The following LRP2 variants were observed in gnomAD, a reference collection of about 807,000 sequenced individuals.
LRP2 encodes LDL receptor related protein 2.
In LRP2, 172 loss-of-function variants were observed where a neutral mutation model predicts 531.0. That is an observed-to-expected ratio of 0.32 (90% CI 0.29 to 0.37). LRP2 has a LOEUF of 0.37. Among genes scored for constraint, LRP2 ranks in the 10% least tolerant of loss-of-function variants. The probability of loss-of-function intolerance (pLI) is 1.00; values close to 1 mark genes in which losing one functional copy is unlikely to be tolerated. For synonymous variants in LRP2, 1,992 were observed against 2,027.6 expected (o/e 0.98, Z 0.47); for missense variants, 5,167 against 5,868.3 (o/e 0.88, Z 3.90).
chr2:169,272,132 C>A (rs530598869), intron 15 of LRP2, among the ~76,000 whole-genome samples: 25 of 152,156 alleles, frequency 1.6e-4, no homozygotes, highest in African/African-American at 6.0e-4. Flanking sequence ...TTATATACGA[C>A]GCTAGAAACC....
intron 3 of LRP2, among the ~76,000 whole-genome samples, chr2:169,310,015 C>T (rs1226249043): frequency 6.6e-6 from 1 of 152,056 alleles, no homozygotes; most frequent in African/African-American, 2.4e-5. Flanking sequence ...CATGATTTGG[C>T]TCTCTGTTTG....
chr2:169,307,413 A>T lies in LRP2; in HGVS notation c.311-16T>A. ...GTACTTTGTGCTGCGAAGAGAAAAA[A>T]TTATTACTTAATTTATAATTATTGC... On this transcript the variant is annotated splice_polypyrimidine_tract_variant and intron_variant, in intron 3 of 78. Coordinates refer to ENST00000649046, the MANE Select transcript of LRP2 (RefSeq NM_004525.3). 7.4e-7 allele frequency: 1 copy of T among 1,357,598 alleles called. No individual in the cohort carries two copies. The highest frequency in any genetic ancestry group is 1.1e-6 in the Non-Finnish European group (1 of 946,194). 84.1% of individuals were successfully genotyped at this position (1,357,598 alleles called of 1,614,324 possible). A position where few individuals can be genotyped will look rare whatever the true frequency, so the allele number is the denominator to read the frequency against.
In LRP2 at chr2:169,133,268, T is replaced by G. The variant is rs1420335785; in HGVS notation, c.13621-587A>C. 2.6e-5 allele frequency among the ~76,000 whole-genome samples: 4 copies of G among 152,236 alleles called. No homozygotes were observed. The East Asian group carries it at 7.7e-4, about 29-fold the overall frequency. On this transcript the variant is annotated intron_variant, in intron 76 of 78. Coordinates refer to ENST00000649046, the MANE Select transcript of LRP2 (RefSeq NM_004525.3). ...ATTCATACAATTCCAAGGTTCCCTT[T>G]TAAGACCAAATTACCATGAATGCAT... is the stretch of plus-strand genomic sequence containing the variant.
chr2:169,231,958 G>A (rs747222340), intron 30 of LRP2, 116 bp from the exon 31 acceptor site: 25 of 1,254,956 alleles, frequency 2.0e-5, no homozygotes, highest in South Asian at 2.6e-5. Flanking sequence ...GCTTAAGTAC[G>A]TTGTTACCTC....
chr2:169,137,226 G>T (rs1685546019), intron 76 of LRP2, among the ~76,000 whole-genome samples, 166 bp downstream of exon 76: 1 of 152,256 alleles, frequency 6.6e-6, no homozygotes, highest in Non-Finnish European at 1.5e-5. Flanking sequence ...CAGGTCTTAT[G>T]TCCTTGGGTT....
In LRP2 at chr2:169,181,937, C is replaced by T. The variant is rs111755054; in HGVS notation, c.9998+230G>A. 4.7e-4 allele frequency among the ~76,000 whole-genome samples: 72 copies of T among 152,198 alleles called. 1 individual carries two copies. The highest frequency in any genetic ancestry group is 1.7e-3 in the African/African-American group (71 of 41,524). The stretch of plus-strand genomic sequence containing the variant: ...CTTTGCATGCAGCCAAAATACAGGA[C>T]TTGAAAAGTGCAAAAGTGTGTCAGG... On this transcript the variant is annotated intron_variant, in intron 51 of 78. Transcript: ENST00000649046.
At chr2:169,256,344 A>G in intron 18 of LRP2, 108 bp from the exon 19 acceptor site, 2 of 774,356 alleles carry the variant, frequency 2.6e-6, no homozygotes, top group Admixed American at 5.2e-5. Context: ...TTATTAAACA[A>G]AGTTTTTAAA....
Position 169,128,584 on chromosome 2 carries a change from T to C in LRP2, c.*79A>G, listed in dbSNP as rs914048891. 78 of 1,392,694 alleles carry C rather than the reference T, an allele frequency of 5.6e-5. No homozygotes were observed. Among genetic ancestry groups the C allele is most frequent in the Non-Finnish European group, 7.3e-5 (72 of 980,740 alleles). 86.3% of individuals were successfully genotyped at this position (1,392,694 alleles called of 1,614,324 possible). On this transcript the variant is annotated 3_prime_UTR_variant, in exon 79 of 79. Coordinates refer to ENST00000649046, the MANE Select transcript of LRP2 (RefSeq NM_004525.3). ...TATATTTTTTTCATAAAGTACTGAATGTTAACTTTTTTCATCTGTTTGTAA... is the reference window on the plus strand; with the variant it reads ...TATATTTTTTTCATAAAGTACTGAACGTTAACTTTTTTCATCTGTTTGTAA...
intron 21 of LRP2, among the ~76,000 whole-genome samples, chr2:169,246,024 T>C (rs985778692): frequency 6.6e-6 from 1 of 152,186 alleles, no homozygotes; most frequent in Non-Finnish European, 1.5e-5. Context: ...TTTACAAATT[T>C]TGTGAAAATA....
intron 51 of LRP2, among the ~76,000 whole-genome samples, chr2:169,181,837 C>T (rs1687448748): frequency 6.6e-6 from 1 of 151,782 alleles, no homozygotes. Flanking sequence ...CACAAATAAA[C>T]ATAGTTAACT....
At chr2:169,233,896 G>A (rs148877630) in intron 29 of LRP2, among the ~76,000 whole-genome samples, 7 of 152,138 alleles carry the variant, frequency 4.6e-5, no homozygotes, top group South Asian at 4.2e-4. Context: ...TGATGTATCC[G>A]GATCACCTAC....
intron 4 of LRP2, among the ~76,000 whole-genome samples, chr2:169,296,719 G>A (rs1295484699): frequency 2.0e-5 from 3 of 152,068 alleles, no homozygotes; most frequent in African/African-American, 7.2e-5. Flanking sequence ...TGTGCTGGAT[G>A]GATCTCTCGT....
rs529198764 is a variant in LRP2, at chr2:169,128,799, G to A, written c.13832C>T (p.Ala4611Val). The A allele has an allele frequency of 2.8e-5, 45 of 1,614,054 alleles. No homozygotes were observed. In the South Asian group the frequency reaches 3.5e-4, roughly 13 times the overall value. ...MENEQKESVA[A>V]TPPPSPSLPA... ...GAGCGAAGGTGATGGAGGTGGTGTC[G>A]CAGCAACACTTTCCTTTTGCTCGTT... The change falls in exon 79 of 79, where the codon GCG becomes GTG. Residue 4611 changes from alanine to valine, a missense_variant. By Grantham distance (64) the Ala-to-Val change is moderately conservative. Coordinates refer to ENST00000649046, the MANE Select transcript of LRP2 (RefSeq NM_004525.3).
intron 1 of LRP2, among the ~76,000 whole-genome samples, chr2:169,324,876 G>C (rs540338231): frequency 6.6e-6 from 1 of 152,048 alleles, no homozygotes; most frequent in Non-Finnish European, 1.5e-5. Context: ...ATGCATGTTC[G>C]TCAGGAAGTG....
In LRP2 at chr2:169,256,158, T is replaced by C. The variant is rs1373967422; in HGVS notation, c.2718A>G (p.Arg906=). Residue 906 remains arginine (R), a synonymous_variant, in exon 19 of 79, where the codon AGA becomes AGG. Coordinates refer to ENST00000649046, the MANE Select transcript of LRP2 (RefSeq NM_004525.3). ...HSTFDGLDRR[R]LGHIEQMTHP... is the part of the protein sequence containing the mutation. ...GTGTCATCTGCTCTATATGGCCCAG[T>C]CTTCTTCTGTCTAAACCATCAAAGG... The C allele has an allele frequency of 6.2e-7, 1 of 1,613,034 alleles. No individual in the cohort carries two copies. The highest frequency in any genetic ancestry group is 8.5e-7 in the Non-Finnish European group (1 of 1,179,222).
In LRP2 at chr2:169,220,501, A is replaced by G; in HGVS notation, c.5601T>C (p.Ala1867=). The G allele has an allele frequency of 5.6e-6, 9 of 1,613,650 alleles. No individual in the cohort carries two copies. Among genetic ancestry groups the G allele is most frequent in the Non-Finnish European group, 7.6e-6 (9 of 1,179,694 alleles). Residue 1867 remains alanine, a synonymous_variant, in exon 34 of 79, where the codon GCT becomes GCC. Transcript: ENST00000649046. ...TGCCAATTGGAAAGCCAACTCCAAG[A>G]GCTGTCCCATCATTGGCAATCAATG... ...RKTLIANDGT[A]LGVGFPIGIT...
intron 1 of LRP2, among the ~76,000 whole-genome samples, chr2:169,357,890 T>A (rs1686035634): frequency 6.6e-6 from 1 of 152,196 alleles, no homozygotes; most frequent in African/African-American, 2.4e-5. Context: ...AACCTAGTCT[T>A]ACAGCAGCCT....
At chr2:169,208,085 T>C (rs1688459758) in intron 38 of LRP2, among the ~76,000 whole-genome samples, 1 of 152,220 alleles carries the variant, frequency 6.6e-6, no homozygotes, top group African/African-American at 2.4e-5. Context: ...TAATCCAGGG[T>C]TGGCAAACTT....
chr2:169,139,304 G>A lies in LRP2; in HGVS notation c.13335C>T (p.Phe4445=). Residue 4445 remains phenylalanine, a synonymous_variant, in exon 74 of 79, where the codon TTC becomes TTT. Transcript: ENST00000649046. ...GGGAGCCGGTCCTTCTATAGTGGAA[G>A]AATCCTGCAATTGCCAGAGCTCCAA... ...VVIGALAIAG[F]FHYRRTGSLL... The A allele has an allele frequency of 6.2e-7, 1 of 1,614,176 alleles. No homozygotes were observed. The highest frequency in any genetic ancestry group is 8.5e-7 in the Non-Finnish European group (1 of 1,180,024).
Sources: gnomAD v4.1 joint callset for allele counts (sites outside exome capture counted in the v4.1 genomes callset) on GRCh38, gnomAD v4.1.1 for gene constraint, MANE v1.5 for transcripts, NCBI Gene and HGNC (gene_info 2026-07-23, HGNC 2026-07-21) for gene names.